The following CLK3 variants were observed in gnomAD, a reference collection of about 807,000 sequenced individuals.
CLK3 encodes dual specificity protein kinase CLK3.
Under a neutral mutation model 65.2 loss-of-function variants are expected in CLK3, and 24 were observed. The ratio of observed to expected loss-of-function variants is 0.37; its 90% CI spans 0.27 to 0.52. The LOEUF (loss-of-function observed/expected upper bound fraction) is 0.52. CLK3 is among the 20% of genes least tolerant of loss of function. The probability of loss-of-function intolerance (pLI) is 0.92; values close to 1 mark genes in which losing one functional copy is unlikely to be tolerated. For synonymous variants in CLK3, 252 were observed against 240.8 expected, an observed-to-expected ratio of 1.05 and a Z score of -0.43; for missense variants, 506 against 660.0, an observed-to-expected ratio of 0.77 and a Z score of 2.56.
At chr15:74,615,972 C>G in intron 1 of CLK3, 74 bp downstream of exon 1, 1 of 1,103,394 alleles carries the variant, frequency 9.1e-7, no homozygotes, top group Non-Finnish European at 1.2e-6. Flanking sequence ...GGCAGGCGCG[C>G]TGGTGCCATT....
chr15:74,622,096 C>T lies in CLK3; in HGVS notation c.370-24C>T, dbSNP rs781065200. The T allele has an allele frequency of 1.9e-6, 3 of 1,609,422 alleles. No individual in the cohort carries two copies. Among genetic ancestry groups the T allele is most frequent in the Non-Finnish European group, 1.7e-6 (2 of 1,175,902 alleles). ...GCCTACCATGCGATTGGTCGGATGG[C>T]GTTTCGGGGGGCGGTGCATGCAGAG... is the stretch of plus-strand genomic sequence containing the variant. On this transcript the variant is annotated intron_variant, in intron 3 of 12. Coordinates refer to ENST00000395066, the MANE Select transcript of CLK3 (RefSeq NM_001130028.2). This position sits in a 1 kb window ranked among gnomAD's most constrained non-coding sequence, Gnocchi z 4.6.
rs918755711 is a variant in CLK3 at position 74,621,080 on chromosome 15, C to G, written c.369+855C>G. 2 of 152,574 alleles carry G rather than the reference C, an allele frequency of 1.3e-5. No homozygotes were observed. The highest frequency in any genetic ancestry group is 4.1e-4 in the South Asian group (2 of 4,838). The allele number at this position is 152,574 out of a possible 1,614,324, so 9.5% of individuals were successfully genotyped here. On this transcript the variant is annotated intron_variant, in intron 3 of 12. Transcript: ENST00000395066. This position sits in a 1 kb window ranked among gnomAD's most constrained non-coding sequence, Gnocchi z 4.8. ...CTCTTCCCTGCCTCCCTCCTGCCGG[C>G]CTTGAGGCCCCTGAGGAGCAGTGGA...
chr15:74,619,964 C>T (rs573934140), intron 2 of CLK3, 45 bp from the exon 3 acceptor site: 15 of 1,612,180 alleles, frequency 9.3e-6, no homozygotes, highest in African/African-American at 1.3e-5. Context: ...TGCTTGCTAA[C>T]AGCAAGGACC....
At position 74,622,905 on chromosome 15, in the gene CLK3, T is replaced by C. The variant is rs982227396; in HGVS notation, c.533+345T>C. ...CTTGGAGCTGCTTCCTGTGATAACT[T>C]TTAGGTTCTTGGCTTAGCAAGGGGC... On this transcript the variant is annotated intron_variant, in intron 5 of 12. Transcript: ENST00000395066. The surrounding 1 kb of genome is among the most constrained non-coding windows in gnomAD (Gnocchi z 4.6). Among the ~76,000 whole-genome samples the C allele has an allele frequency of 6.6e-6, 1 of 152,174 alleles. No individual in the cohort carries two copies. The highest frequency in any genetic ancestry group is 6.5e-5 in the Admixed American group (1 of 15,284).
upstream of CLK3, chr15:74,615,780 T>C (rs754408704): frequency 1.9e-5 from 23 of 1,242,990 alleles, no homozygotes; most frequent in Admixed American, 1.3e-4. Context: ...GAGCCGAGGC[T>C]GGCGACGGCT....
intron 2 of CLK3, 22 bp downstream of exon 2, chr15:74,619,370 G>A (rs200845851): frequency 8.7e-6 from 14 of 1,612,878 alleles, no homozygotes; most frequent in Non-Finnish European, 1.2e-5. Context: ...CTAGATAGGA[G>A]GGAAAGACTC....
At chr15:74,626,091 CAGATCCCCTT>C (rs1408967293) in intron 7 of CLK3, 123 bp downstream of exon 7, 1 of 1,116,908 alleles carries the variant, frequency 9.0e-7, no homozygotes, top group East Asian at 2.4e-5. Flanking sequence ...TGAGGGACAC[CAGATCCCCTT>C]TGGCGGAAAG....
intron 1 of CLK3, among the ~76,000 whole-genome samples, chr15:74,609,396 G>A (rs2061956961): frequency 6.6e-6 from 1 of 152,226 alleles, no homozygotes; most frequent in Admixed American, 6.5e-5. Flanking sequence ...GTGTCACTGT[G>A]TGGACGCCCT....
Position 74,615,851 on chromosome 15 carries a change from G to A in CLK3, c.-48G>A. ...GGTCGCAGCCGGAAGCGGAAGAGGC[G>A]CTCGGAGCGGGGAGTGGGGCCTAGC... is the stretch of plus-strand genomic sequence containing the variant. On this transcript the variant is annotated 5_prime_UTR_variant, in exon 1 of 13. Transcript: ENST00000395066. The A allele has an allele frequency of 8.0e-7, 1 of 1,254,760 alleles. No homozygotes were observed. Among genetic ancestry groups the A allele is most frequent in the Non-Finnish European group, 1.0e-6 (1 of 999,452 alleles). 77.7% of individuals were successfully genotyped at this position (1,254,760 alleles called of 1,614,324 possible).
chr15:74,627,291 A>G lies in CLK3; in HGVS notation c.818-61A>G. ...TGGCATTGGAAGAGGGGTCTGGCCT[A>G]GAGCTGGCAGGAGAGCCAGCTTCTC... On this transcript the variant is annotated intron_variant, in intron 7 of 12. Coordinates refer to ENST00000395066, the MANE Select transcript of CLK3 (RefSeq NM_001130028.2). The surrounding 1 kb of genome is among the most constrained non-coding windows in gnomAD (Gnocchi z 4.3). 7.5e-7 allele frequency: 1 copy of G among 1,330,294 alleles called. No individual in the cohort carries two copies. The highest frequency in any genetic ancestry group is 1.1e-6 in the Non-Finnish European group (1 of 922,174). 82.4% of individuals were successfully genotyped at this position (1,330,294 alleles called of 1,614,324 possible). A position where few individuals can be genotyped will look rare whatever the true frequency, so the allele number is the denominator to read the frequency against.
Position 74,624,875 on chromosome 15 carries a change from A to G in CLK3, c.534-27A>G. ...GAAGGACTGGGCAGCTGCTGATGAGAACCTCTGTTTCCTTCCCGGGTACCA... is the reference window on the plus strand; with the variant it reads ...GAAGGACTGGGCAGCTGCTGATGAGGACCTCTGTTTCCTTCCCGGGTACCA... On this transcript the variant is annotated intron_variant, in intron 5 of 12. Transcript: ENST00000395066. This position sits in a 1 kb window ranked among gnomAD's most constrained non-coding sequence, Gnocchi z 4.2. 6.5e-7 allele frequency: 1 copy of G among 1,547,198 alleles called. No individual in the cohort carries two copies. The highest frequency in any genetic ancestry group is 1.2e-5 in the South Asian group (1 of 86,760).
At chr15:74,617,965 T>C (rs1463415141) in intron 1 of CLK3, among the ~76,000 whole-genome samples, 1 of 152,070 alleles carries the variant, frequency 6.6e-6, no homozygotes, top group East Asian at 1.9e-4. Context: ...GACAAGTTAG[T>C]GGGGAGATGG....
chr15:74,610,492 G>T (rs542812582), intron 1 of CLK3, among the ~76,000 whole-genome samples: 1 of 152,390 alleles, frequency 6.6e-6, no homozygotes, highest in African/African-American at 2.4e-5. Flanking sequence ...ACCAGGCAGG[G>T]CAGTGTCTGC....
chr15:74,612,814 T>A (rs1386369750), upstream of CLK3, among the ~76,000 whole-genome samples: 1 of 152,226 alleles, frequency 6.6e-6, no homozygotes, highest in Non-Finnish European at 1.5e-5. Context: ...CCTCCCATAC[T>A]GGGTACAGCT....
At chr15:74,616,771 G>C (rs554013640) in intron 1 of CLK3, among the ~76,000 whole-genome samples, 1 of 152,358 alleles carries the variant, frequency 6.6e-6, no homozygotes, top group South Asian at 2.1e-4. Context: ...TGGAATCCGG[G>C]AGGGCAGCCG....
In CLK3 at chr15:74,622,613, A is replaced by G; in HGVS notation, c.533+53A>G. 1 of 1,455,416 alleles carries G rather than the reference A, an allele frequency of 6.9e-7. No individual in the cohort carries two copies. The highest frequency in any genetic ancestry group is 9.4e-7 in the Non-Finnish European group (1 of 1,060,580). The allele number at this position is 1,455,416 out of a possible 1,614,324, so 90.2% of individuals were successfully genotyped here. ...CTCCGGATGTGATCTTCCTGGGAAGAGCTGGCCTGAGGTTCTTGAGGGTGG... is the reference window on the plus strand; with the variant it reads ...CTCCGGATGTGATCTTCCTGGGAAGGGCTGGCCTGAGGTTCTTGAGGGTGG... On this transcript the variant is annotated intron_variant, in intron 5 of 12. Coordinates refer to ENST00000395066, the MANE Select transcript of CLK3 (RefSeq NM_001130028.2). The surrounding 1 kb of genome is among the most constrained non-coding windows in gnomAD (Gnocchi z 4.6).
chr15:74,609,974 C>T (rs1317716847), intron 1 of CLK3, among the ~76,000 whole-genome samples: 2 of 152,254 alleles, frequency 1.3e-5, no homozygotes, highest in African/African-American at 2.4e-5. Context: ...CCAGGGTATT[C>T]CCAAATGTTG....
chr15:74,629,977 C>T lies in CLK3; in HGVS notation c.*94C>T. 1 of 1,270,678 alleles carries T rather than the reference C, an allele frequency of 7.9e-7. No homozygotes were observed. Among genetic ancestry groups the T allele is most frequent in the Non-Finnish European group, 1.1e-6 (1 of 914,388 alleles). The allele number at this position is 1,270,678 out of a possible 1,614,324, so 78.7% of individuals were successfully genotyped here. ...CGACCGCCAGGCCCCAGGCCAGAGC[C>T]ACCCAATGAACAGTGCAATGTGAAG... On this transcript the variant is annotated 3_prime_UTR_variant, in exon 13 of 13. Coordinates refer to ENST00000395066, the MANE Select transcript of CLK3 (RefSeq NM_001130028.2).
At chr15:74,612,721 C>A (rs2062006303), upstream of CLK3, among the ~76,000 whole-genome samples, 1 of 152,216 alleles carries the variant, frequency 6.6e-6, no homozygotes, top group Non-Finnish European at 1.5e-5. Flanking sequence ...CTGCAGCCCC[C>A]TCCAAAATTG....
Sources: gnomAD v4.1 joint callset for allele counts (sites outside exome capture counted in the v4.1 genomes callset) on GRCh38, gnomAD v4.1.1 for gene constraint, Gnocchi (gnomAD v3.1) non-coding constraint, MANE v1.5 for transcripts, NCBI Gene and HGNC (gene_info 2026-07-23, HGNC 2026-07-21) for gene names.